The following EPC1 variants were observed in gnomAD, a reference collection of about 807,000 sequenced individuals.
EPC1 encodes enhancer of polycomb 1.
In EPC1, 12 loss-of-function variants were observed where a neutral mutation model predicts 98.4. The observed-to-expected ratio is 0.12, with a 90% CI of 0.08 to 0.20. The LOEUF (loss-of-function observed/expected upper bound fraction) is 0.20, where lower values mean the gene tolerates loss of function less well. EPC1 is among the 10% of genes least tolerant of loss of function. EPC1 has a pLI of 1.00. For missense variants in EPC1, 729 were observed against 990.5 expected, an observed-to-expected ratio of 0.74 and a Z score of 3.54; for synonymous variants, 357 against 363.9, an observed-to-expected ratio of 0.98 and a Z score of 0.21.
intron 2 of EPC1, among the ~76,000 whole-genome samples, chr10:32,301,207 C>A (rs994201111): frequency 2.0e-5 from 3 of 151,916 alleles, no homozygotes; most frequent in African/African-American, 7.3e-5. Context: ...AGCGGAGAGC[C>A]AGGTATAAAT....
At chr10:32,270,169 A>T (rs76310083) in intron 13 of EPC1, among the ~76,000 whole-genome samples, 1,753 of 152,306 alleles carry the variant, frequency 0.012, 19 homozygotes, top group South Asian at 0.02. Flanking sequence ...ATTTTGTTAG[A>T]AGAGTCCCAG....
At chr10:32,333,068 G>A (rs930376141) in intron 1 of EPC1, among the ~76,000 whole-genome samples, 26 of 152,272 alleles carry the variant, frequency 1.7e-4, no homozygotes, top group Non-Finnish European at 3.7e-4. Flanking sequence ...TTGGCTGGGC[G>A]CGGTGGCTCA....
chr10:32,281,571 C>G (rs957811962), intron 10 of EPC1: 1 of 152,134 alleles, frequency 6.6e-6, no homozygotes, highest in African/African-American at 2.4e-5. Context: ...GTAAGAGGAC[C>G]AACACATTCA....
chr10:32,273,099 T>C, intron 11 of EPC1, 64 bp downstream of exon 11: 1 of 1,614,112 alleles, frequency 6.2e-7, no homozygotes, highest in Non-Finnish European at 8.5e-7. Flanking sequence ...CAACAGTTGG[T>C]AATTAGAGAT....
At chr10:32,377,909 G>A (rs532624282) in intron 1 of EPC1, among the ~76,000 whole-genome samples, 1 of 152,112 alleles carries the variant, frequency 6.6e-6, no homozygotes, top group Non-Finnish European at 1.5e-5. Context: ...CTAATGAAGA[G>A]CTTCAAAGAA....
upstream of EPC1, among the ~76,000 whole-genome samples, chr10:32,352,152 C>T (rs981049453): frequency 1.3e-5 from 2 of 150,132 alleles, no homozygotes; most frequent in African/African-American, 4.9e-5. Context: ...TCACGCCATT[C>T]TTCTGCCTCA....
chr10:32,363,547 A>G (rs560533689), intron 1 of EPC1, among the ~76,000 whole-genome samples: 158 of 152,338 alleles, frequency 1.0e-3, no homozygotes, highest in Non-Finnish European at 1.7e-3. Flanking sequence ...AAAATACTAA[A>G]AACCTAGACC....
At chr10:32,323,568 C>A (rs1005286561) in intron 1 of EPC1, among the ~76,000 whole-genome samples, 1 of 152,164 alleles carries the variant, frequency 6.6e-6, no homozygotes, top group Non-Finnish European at 1.5e-5. Context: ...AGATATGATA[C>A]TATTCAACAG....
At chr10:32,358,420 G>T (rs143229333) in intron 1 of EPC1, among the ~76,000 whole-genome samples, 1 of 152,204 alleles carries the variant, frequency 6.6e-6, no homozygotes, top group East Asian at 1.9e-4. Context: ...GAAGCAGGAG[G>T]ATCACTTGCA....
Position 32,324,483 on chromosome 10 carries a change from T to C in EPC1, c.154-18552A>G, listed in dbSNP as rs150601683. On this transcript the variant is annotated intron_variant, in intron 1 of 13. Coordinates refer to ENST00000319778, the MANE Select transcript of EPC1 (RefSeq NM_001272004.3). Reference sequence around the variant, plus strand: ...GATGCCAGGCTGCAGTGAGCCGAGATTGTGCCACTGCAATCCAGCCTGGGC... The same window carrying C: ...GATGCCAGGCTGCAGTGAGCCGAGACTGTGCCACTGCAATCCAGCCTGGGC... Among the ~76,000 whole-genome samples, 95 of 151,044 alleles carry C rather than the reference T, an allele frequency of 6.3e-4. 1 individual carries two copies. The highest frequency in any genetic ancestry group is 2.2e-3 in the African/African-American group (89 of 41,212).
rs138777243 is a variant in EPC1 at position 32,298,987 on chromosome 10, T to C, written c.314-5250A>G. 3.8e-3 allele frequency among the ~76,000 whole-genome samples: 582 copies of C among 152,274 alleles called. 4 individuals carry two copies. The highest frequency in any genetic ancestry group is 0.031 in the South Asian group (148 of 4,830). ...AACTTTACTTAGAAGTCAAAACTTA[T>C]ATAAGTTGTTGAAATAAAAACAGTA... On this transcript the variant is annotated intron_variant, in intron 2 of 13. Coordinates refer to ENST00000319778, the MANE Select transcript of EPC1 (RefSeq NM_001272004.3).
chr10:32,301,759 G>C (rs1046840453), intron 2 of EPC1, among the ~76,000 whole-genome samples: 4 of 152,118 alleles, frequency 2.6e-5, no homozygotes, highest in Admixed American at 6.5e-5. Context: ...TAAACCTCTT[G>C]CTCTATTCAA....
At chr10:32,287,326 T>A in intron 6 of EPC1, 52 bp from the exon 7 acceptor site, 2 of 1,594,670 alleles carry the variant, frequency 1.3e-6, no homozygotes. Context: ...TTCAACAAAT[T>A]TGCAGTTTTG....
intron 1 of EPC1, among the ~76,000 whole-genome samples, chr10:32,331,637 A>G (rs1298597292): frequency 6.6e-6 from 1 of 152,232 alleles, no homozygotes; most frequent in Non-Finnish European, 1.5e-5. Flanking sequence ...AAAAATAAGT[A>G]TTTTAATATT....
chr10:32,368,894 C>T (rs1423949236), intron 1 of EPC1, among the ~76,000 whole-genome samples: 1 of 152,116 alleles, frequency 6.6e-6, no homozygotes, highest in African/African-American at 2.4e-5. Flanking sequence ...CTCTCAACAG[C>T]CATGTGAGAT....
chr10:32,341,867 T>C (rs752485785), intron 1 of EPC1, among the ~76,000 whole-genome samples: 26 of 152,226 alleles, frequency 1.7e-4, no homozygotes, highest in Non-Finnish European at 3.1e-4. Context: ...CTGGGCTTTC[T>C]GCCCCAGCCC....
chr10:32,334,534 G>C (rs1000411363), intron 1 of EPC1, among the ~76,000 whole-genome samples: 1 of 151,244 alleles, frequency 6.6e-6, no homozygotes, highest in Non-Finnish European at 1.5e-5. Context: ...TGTCAATGAA[G>C]TGACTTTCGA....
intron 1 of EPC1, among the ~76,000 whole-genome samples, chr10:32,318,860 T>C (rs911653578): frequency 6.6e-6 from 1 of 152,160 alleles, no homozygotes; most frequent in Non-Finnish European, 1.5e-5. Flanking sequence ...TTTCTAAGAG[T>C]TTGACCAAGT....
intron 1 of EPC1, among the ~76,000 whole-genome samples, chr10:32,329,009 G>C (rs1024689529): frequency 2.0e-5 from 3 of 152,234 alleles, no homozygotes; most frequent in Non-Finnish European, 4.4e-5. Context: ...CGCCGGGGGA[G>C]AGGAGTGTAT....
Sources: allele counts gnomAD v4.1 joint callset (sites outside exome capture counted in the v4.1 genomes callset), GRCh38; gene constraint gnomAD v4.1.1; transcripts MANE v1.5; gene names NCBI Gene and HGNC (gene_info 2026-07-23, HGNC 2026-07-21).